Variants in MICU2 observed in about 807,000 individuals in gnomAD.
MICU2 encodes the protein calcium uptake protein 2, mitochondrial.
In MICU2, 64 loss-of-function variants were observed where a neutral mutation model predicts 60.4. The ratio of observed to expected loss-of-function variants is 1.06; its 90% CI spans 0.87 to 1.31. MICU2 has a LOEUF of 1.31. Ranked by LOEUF, MICU2 falls within the 50% of genes most tolerant of loss-of-function variation. The pLI, the probability that MICU2 is intolerant of heterozygous loss-of-function variation, is 0.00. For synonymous variants in MICU2, 201 were observed against 175.0 expected (o/e 1.15, Z -1.17); for missense variants, 569 against 531.0 (o/e 1.07, Z -0.70).
At chr13:21,517,721 G>A (rs1315839150) in intron 6 of MICU2, among the ~76,000 whole-genome samples, 1 of 151,872 alleles carries the variant, frequency 6.6e-6, no homozygotes, top group Non-Finnish European at 1.5e-5. Context: ...AGGTTGCAAC[G>A]AGCAGAGATT....
At chr13:21,507,429 T>G (rs1057060629) in intron 8 of MICU2, among the ~76,000 whole-genome samples, 3 of 152,120 alleles carry the variant, frequency 2.0e-5, no homozygotes, top group African/African-American at 7.2e-5. Flanking sequence ...TTGTTTTAAA[T>G]TATGATATTT....
At chr13:21,519,444 C>T (rs1886661490) in intron 6 of MICU2, among the ~76,000 whole-genome samples, 1 of 152,162 alleles carries the variant, frequency 6.6e-6, no homozygotes. Context: ...ACTCCATTAT[C>T]CTGCACTCTC....
chr13:21,573,807 C>T (rs1271635557), intron 1 of MICU2, among the ~76,000 whole-genome samples: 2 of 151,798 alleles, frequency 1.3e-5, no homozygotes, highest in Non-Finnish European at 2.9e-5. Context: ...ACATTGCCTT[C>T]ATATATTATG....
intron 9 of MICU2, among the ~76,000 whole-genome samples, chr13:21,499,388 G>A (rs1235757121): frequency 3.3e-5 from 5 of 151,868 alleles, no homozygotes; most frequent in Non-Finnish European, 5.9e-5. Context: ...CTTACTGTGC[G>A]AGACCGTTCT....
In MICU2 at chr13:21,495,593, T is replaced by C. The variant is rs191832552; in HGVS notation, c.1043-275A>G. 1.1e-3 allele frequency: 356 copies of C among 316,012 alleles called. 1 individual carries two copies. Among genetic ancestry groups the C allele is most frequent in the African/African-American group, 7.1e-3 (330 of 46,658 alleles). The allele number at this position is 316,012 out of a possible 1,614,324, so 19.6% of individuals were successfully genotyped here. ...GCTCGTCGCCCAGGCTGGAGTGCAA[T>C]GGCACGATCTTGACTCACTACAACC... On this transcript the variant is annotated intron_variant, in intron 10 of 11. Coordinates refer to ENST00000382374, the MANE Select transcript of MICU2 (RefSeq NM_152726.3).
intron 4 of MICU2, among the ~76,000 whole-genome samples, chr13:21,525,181 A>ATTTTTTTTTT (rs71093324): frequency 1.2e-5 from 1 of 83,300 alleles, no homozygotes; most frequent in African/African-American, 5.2e-5. Context: ...GTGTAATTCA[A>ATTTTTTTTTT]TTTTTTTTTT....
intron 4 of MICU2, chr13:21,531,308 A>C: frequency 1.3e-6 from 2 of 1,572,762 alleles, no homozygotes; most frequent in East Asian, 4.5e-5. Flanking sequence ...ATGACTCACC[A>C]ACAAATGTAC....
At chr13:21,499,566 A>T (rs557943043) in intron 9 of MICU2, among the ~76,000 whole-genome samples, 3 of 151,562 alleles carry the variant, frequency 2.0e-5, no homozygotes, top group African/African-American at 7.3e-5. Flanking sequence ...ACCCGCCACC[A>T]CGCCTGTCTA....
intron 11 of MICU2, among the ~76,000 whole-genome samples, chr13:21,494,521 C>G (rs1885941813): frequency 6.6e-6 from 1 of 152,144 alleles, no homozygotes; most frequent in African/African-American, 2.4e-5. Context: ...ACATCAAATT[C>G]TAACAATAAT....
In MICU2 at chr13:21,530,624, GATT is replaced by G. The variant is rs1886968365; in HGVS notation, c.467-7977_467-7975del. On this transcript the variant is annotated intron_variant, in intron 4 of 11. Coordinates refer to ENST00000382374, the MANE Select transcript of MICU2 (RefSeq NM_152726.3). Reference sequence around the variant, plus strand: ...AATTTATCTCCTTGATAGTTAGAAAGATTATCTACTATGTCTCTCTCTCTGAAA... The same window carrying G: ...AATTTATCTCCTTGATAGTTAGAAAGATCTACTATGTCTCTCTCTCTGAAA... The G allele has an allele frequency of 1.4e-5, 4 of 276,514 alleles. No homozygotes were observed. The South Asian group carries it at 2.1e-4, about 14-fold the overall frequency. 17.1% of individuals were successfully genotyped at this position (276,514 alleles called of 1,614,324 possible).
chr13:21,577,379 G>A (rs888554461), intron 1 of MICU2, among the ~76,000 whole-genome samples: 10 of 152,180 alleles, frequency 6.6e-5, no homozygotes, highest in African/African-American at 2.4e-4. Context: ...TCTGGGCTGA[G>A]CTTGGTGGCT....
At position 21,604,129 on chromosome 13, in the gene MICU2, C is replaced by A; in HGVS notation, c.20G>T (p.Ser7Ile). The A allele has an allele frequency of 6.4e-7, 1 of 1,566,294 alleles. No homozygotes were observed. Among genetic ancestry groups the A allele is most frequent in the South Asian group, 1.2e-5 (1 of 86,110 alleles). MAAAAG[S>I]CARVAAWGGK... ...GCCCCAGGCCGCCACCCGCGCGCAG[C>A]TACCCGCAGCCGCCGCCATCTTTGC... is the stretch of plus-strand genomic sequence containing the variant. The change falls in exon 1 of 12, where the codon AGC (serine) becomes ATC (isoleucine). Residue 7 changes from serine (S) to isoleucine (I), a missense_variant. Ser to Ile is a moderately radical substitution (Grantham distance 142, BLOSUM62 -2). Coordinates refer to ENST00000382374, the MANE Select transcript of MICU2 (RefSeq NM_152726.3).
chr13:21,499,559 C>T (rs898685402), intron 9 of MICU2, among the ~76,000 whole-genome samples: 8 of 151,862 alleles, frequency 5.3e-5, no homozygotes, highest in East Asian at 2.0e-4. Flanking sequence ...TACAGGCACC[C>T]GCCACCACGC....
chr13:21,564,995 G>T (rs1263325636), intron 2 of MICU2, among the ~76,000 whole-genome samples: 2 of 152,166 alleles, frequency 1.3e-5, no homozygotes, highest in Non-Finnish European at 2.9e-5. Context: ...TTGGTAGTAA[G>T]CTGACTCTAT....
intron 1 of MICU2, among the ~76,000 whole-genome samples, chr13:21,573,154 C>T (rs908587559): frequency 1.3e-5 from 2 of 152,124 alleles, no homozygotes; most frequent in African/African-American, 2.4e-5. Flanking sequence ...TGAGTGGAGA[C>T]GTAGTCTTTC....
chr13:21,576,848 T>A lies in MICU2; in HGVS notation c.211-9904A>T, dbSNP rs1425918250. Among the ~76,000 whole-genome samples the A allele has an allele frequency of 9.9e-5, 15 of 152,184 alleles. 1 individual carries two copies. The highest frequency in any genetic ancestry group is 1.9e-4 in the Non-Finnish European group (13 of 68,046). ...TTTGCTTAAATACTGGAATTATTTT[T>A]TAAAAAGCCCTGCAAAGTATGTTGA... On this transcript the variant is annotated intron_variant, in intron 1 of 11. Transcript: ENST00000382374.
chr13:21,509,435 C>G (rs1886371719), intron 8 of MICU2, among the ~76,000 whole-genome samples: 1 of 152,130 alleles, frequency 6.6e-6, no homozygotes, highest in Non-Finnish European at 1.5e-5. Flanking sequence ...GTGACAGAGA[C>G]CATATTTACT....
At chr13:21,509,247 A>C (rs1442800726) in intron 8 of MICU2, among the ~76,000 whole-genome samples, 3 of 152,234 alleles carry the variant, frequency 2.0e-5, no homozygotes, top group African/African-American at 7.2e-5. Flanking sequence ...TGTTTATAAT[A>C]ATCATATAAG....
chr13:21,600,364 T>C (rs1888786780), intron 1 of MICU2, among the ~76,000 whole-genome samples: 1 of 152,216 alleles, frequency 6.6e-6, no homozygotes, highest in African/African-American at 2.4e-5. Flanking sequence ...GCAGTCACCC[T>C]CCAGGTGTCA....
Sources: allele counts gnomAD v4.1 joint callset (sites outside exome capture counted in the v4.1 genomes callset), GRCh38; gene constraint gnomAD v4.1.1; transcripts MANE v1.5; gene names NCBI Gene and HGNC (gene_info 2026-07-23, HGNC 2026-07-21).